PCDH15: variants seen among roughly 807,000 people sequenced by gnomAD.
PCDH15 encodes protocadherin related 15, also known as protocadherin-15.
A neutral mutation model predicts 178.5 loss-of-function variants in PCDH15; 129 were observed. The ratio of observed to expected loss-of-function variants is 0.72; its 90% CI spans 0.63 to 0.84. PCDH15 has a LOEUF of 0.84. Among genes scored for constraint, PCDH15 ranks in the 40% least tolerant of loss-of-function variants. PCDH15 has a pLI of 0.00. For synonymous variants in PCDH15, 800 were observed against 732.0 expected, an observed-to-expected ratio of 1.09 and a Z score of -1.50; for missense variants, 2,230 against 2,099.9, an observed-to-expected ratio of 1.06 and a Z score of -1.21.
At chr10:53,980,558 C>T (rs1482001915) in intron 21 of PCDH15, among the ~76,000 whole-genome samples, 2 of 152,072 alleles carry the variant, frequency 1.3e-5, no homozygotes, top group Non-Finnish European at 2.9e-5. Flanking sequence ...TGTGTTTTTC[C>T]ATCACTCTGG....
intron 3 of PCDH15, among the ~76,000 whole-genome samples, chr10:54,889,165 G>A (rs1954416111): frequency 6.6e-6 from 1 of 151,722 alleles, no homozygotes; most frequent in Non-Finnish European, 1.5e-5. Flanking sequence ...ACAGTTAATT[G>A]GTAGCAAAGT....
intron 1 of PCDH15, among the ~76,000 whole-genome samples, chr10:54,698,156 G>A (rs2095261267): frequency 6.6e-6 from 1 of 152,108 alleles, no homozygotes; most frequent in Non-Finnish European, 1.5e-5. Flanking sequence ...AAGAAAGAAA[G>A]TTTACATTCG....
At chr10:55,399,557 G>A (rs761919013) in intron 2 of PCDH15, among the ~76,000 whole-genome samples, 28 of 152,036 alleles carry the variant, frequency 1.8e-4, no homozygotes, top group Non-Finnish European at 3.4e-4. Context: ...ATCCCTAGAA[G>A]GTGTGAGAAT....
chr10:53,827,350 T>TA, intron 32 of PCDH15, 43 bp downstream of exon 32: 2 of 1,566,680 alleles, frequency 1.3e-6, no homozygotes, highest in Non-Finnish European at 1.7e-6. Context: ...CAGAATTCAG[T>TA]AAAACCCAAC....
At chr10:54,959,808 T>C (rs1048101997) in intron 2 of PCDH15, among the ~76,000 whole-genome samples, 1 of 152,088 alleles carries the variant, frequency 6.6e-6, no homozygotes, top group African/African-American at 2.4e-5. Context: ...TTTTCTTGTA[T>C]AAATGTCATG....
At chr10:53,859,561 T>A (rs2078970360) in intron 27 of PCDH15, among the ~76,000 whole-genome samples, 1 of 152,030 alleles carries the variant, frequency 6.6e-6, no homozygotes, top group African/African-American at 2.4e-5. Flanking sequence ...TCCCTTGAAT[T>A]TTCCACTGTC....
intron 25 of PCDH15, among the ~76,000 whole-genome samples, chr10:53,925,539 T>G: frequency 6.6e-6 from 1 of 152,220 alleles, no homozygotes; most frequent in South Asian, 2.1e-4. Flanking sequence ...CCAGACACAG[T>G]TGGATCTGAG....
intron 3 of PCDH15, among the ~76,000 whole-genome samples, chr10:54,448,516 C>T (rs922626860): frequency 1.3e-5 from 2 of 151,578 alleles, no homozygotes; most frequent in Non-Finnish European, 3.0e-5. Flanking sequence ...CCTCCATCTC[C>T]TCCTAATGTA....
chr10:54,776,908 G>A (rs1949765864), intron 1 of PCDH15, among the ~76,000 whole-genome samples: 1 of 152,100 alleles, frequency 6.6e-6, no homozygotes, highest in Admixed American at 6.6e-5. Flanking sequence ...GAGTTAAGAG[G>A]AGGTTTATAC....
At position 54,573,574 on chromosome 10, in the gene PCDH15, T is replaced by C. The variant is rs187524117; in HGVS notation, c.92-45697A>G. Among the ~76,000 whole-genome samples, 470 of 152,346 alleles carry C rather than the reference T, an allele frequency of 3.1e-3. 4 individuals carry two copies. Among genetic ancestry groups the C allele is most frequent in the African/African-American group, 0.011 (444 of 41,596 alleles). On this transcript the variant is annotated intron_variant, in intron 2 of 37. Transcript: ENST00000644397. ...TTTTCCCAAAAATAATTTTTAACTC[T>C]CTGCCTTGTAGTGAAATTTTCCAAA...
chr10:54,025,692 T>C (rs890863553), intron 18 of PCDH15, among the ~76,000 whole-genome samples: 12 of 152,174 alleles, frequency 7.9e-5, no homozygotes, highest in African/African-American at 2.9e-4. Context: ...AGAGACCGGG[T>C]TTCACCATGT....
intron 3 of PCDH15, among the ~76,000 whole-genome samples, chr10:54,424,810 G>C (rs552097309): frequency 1.3e-3 from 180 of 143,614 alleles, no homozygotes; most frequent in African/African-American, 4.0e-3. Flanking sequence ...ATTGAACAAT[G>C]AGAACACTTG....
At chr10:55,479,545 C>G (rs1003110779) in intron 2 of PCDH15, among the ~76,000 whole-genome samples, 6 of 151,438 alleles carry the variant, frequency 4.0e-5, no homozygotes, top group African/African-American at 1.5e-4. Context: ...CATGACAAAC[C>G]CACAACTAAC....
intron 5 of PCDH15, among the ~76,000 whole-genome samples, chr10:54,364,290 T>C (rs187337185): frequency 3.3e-5 from 5 of 152,024 alleles, no homozygotes; most frequent in Admixed American, 2.0e-4. Flanking sequence ...TTTCTGTAAA[T>C]ACTGTTGGGT....
intron 1 of PCDH15, among the ~76,000 whole-genome samples, chr10:54,735,939 C>T (rs1351247160): frequency 3.1e-4 from 45 of 143,424 alleles, no homozygotes; most frequent in African/African-American, 9.2e-4. Flanking sequence ...GTGGGTGCAG[C>T]GCACCAGCAT....
chr10:54,077,624 CCTT>C lies in PCDH15; in HGVS notation c.2091+1704_2091+1706del, dbSNP rs141182163. Among the ~76,000 whole-genome samples, 15 of 152,272 alleles carry C rather than the reference CCTT, an allele frequency of 9.9e-5. No individual in the cohort carries two copies. The East Asian group carries it at 2.9e-3, about 29-fold the overall frequency. ...TCTTAATCTATGCTAAATAATTTCT[CCTT>C]CTCCTCCTTAGAATATTTTCTCTCA... On this transcript the variant is annotated intron_variant, in intron 17 of 37. Coordinates refer to ENST00000644397, the MANE Select transcript of PCDH15 (RefSeq NM_001384140.1).
intron 25 of PCDH15, 84 bp from the exon 26 acceptor site, chr10:53,903,454 T>C: frequency 6.6e-7 from 1 of 1,519,252 alleles, no homozygotes; most frequent in African/African-American, 1.4e-5. Flanking sequence ...TGCTGCACTT[T>C]TTTTTGGAAA....
At chr10:54,610,210 G>A (rs2092914737) in intron 2 of PCDH15, among the ~76,000 whole-genome samples, 1 of 151,776 alleles carries the variant, frequency 6.6e-6, no homozygotes, top group Non-Finnish European at 1.5e-5. Context: ...TTTCACCTCA[G>A]AAATACTATC....
intron 1 of PCDH15, among the ~76,000 whole-genome samples, chr10:55,183,113 T>C (rs192697511): frequency 6.6e-6 from 1 of 152,122 alleles, no homozygotes; most frequent in East Asian, 1.9e-4. Flanking sequence ...GAGGAAGCAG[T>C]TGATTTTGAA....
Sources: gnomAD v4.1 joint callset for allele counts (sites outside exome capture counted in the v4.1 genomes callset) on GRCh38, gnomAD v4.1.1 for gene constraint, MANE v1.5 for transcripts, NCBI Gene and HGNC (gene_info 2026-07-23, HGNC 2026-07-21) for gene names.